RND3: variants seen among roughly 807,000 people sequenced by gnomAD.
RND3 encodes the protein Rho family GTPase 3.
A neutral mutation model predicts 26.5 loss-of-function variants in RND3; 8 were observed. The ratio of observed to expected loss-of-function variants is 0.30; its 90% CI spans 0.18 to 0.54. The LOEUF (loss-of-function observed/expected upper bound fraction) is 0.54, where lower values mean the gene tolerates loss of function less well. RND3 is among the 20% of genes least tolerant of loss of function. The probability of loss-of-function intolerance (pLI) is 0.94; values close to 1 mark genes in which losing one functional copy is unlikely to be tolerated. For missense variants in RND3, 207 were observed against 302.8 expected (o/e 0.68, Z 2.35); for synonymous variants, 113 against 113.0 (o/e 1.00, Z 0.00).
intron 4 of RND3, among the ~76,000 whole-genome samples, chr2:150,473,265 T>A (rs2105216981): frequency 6.6e-6 from 1 of 152,232 alleles, no homozygotes; most frequent in Middle Eastern, 3.4e-3. Context: ...GCCTTAAACC[T>A]CACAGGAATG....
At chr2:150,473,967 G>A (rs867203222) in intron 4 of RND3, among the ~76,000 whole-genome samples, 4 of 152,226 alleles carry the variant, frequency 2.6e-5, no homozygotes, top group African/African-American at 9.6e-5. Context: ...TGAAGCCAGT[G>A]TGTGGAGGAG....
chr2:150,471,540 C>G (rs1040296287), intron 5 of RND3, 87 bp downstream of exon 5: 1 of 1,149,378 alleles, frequency 8.7e-7, no homozygotes, highest in Non-Finnish European at 1.2e-6. Context: ...AGAAAAGCAG[C>G]TACTTTTTAT....
In RND3 at chr2:150,469,792, G is replaced by A; in HGVS notation, c.*195C>T. The A allele has an allele frequency of 1.7e-6, 1 of 579,636 alleles. No homozygotes were observed. The highest frequency in any genetic ancestry group is 3.0e-6 in the Non-Finnish European group (1 of 332,812). 35.9% of individuals were successfully genotyped at this position (579,636 alleles called of 1,614,324 possible). A position where few individuals can be genotyped will look rare whatever the true frequency, so the allele number is the denominator to read the frequency against. On this transcript the variant is annotated 3_prime_UTR_variant, in exon 6 of 6. Transcript: ENST00000263895. ...AAGTCACACTTAAAAACTCTTCCAT[G>A]TATTCACTTCTCATCACTTGGTCTA...
intron 3 of RND3, among the ~76,000 whole-genome samples, chr2:150,480,661 A>AG (rs1240983512): frequency 2.6e-5 from 4 of 152,112 alleles, no homozygotes; most frequent in Non-Finnish European, 4.4e-5. Context: ...GCGGCTAAAA[A>AG]AAAAAAATCT....
chr2:150,483,867 T>C (rs1429624603), intron 3 of RND3, among the ~76,000 whole-genome samples: 3 of 152,224 alleles, frequency 2.0e-5, no homozygotes, highest in Non-Finnish European at 4.4e-5. Flanking sequence ...TTATGCCTCT[T>C]TTTTCCATTT....
At chr2:150,474,165 A>G (rs1686128435) in intron 4 of RND3, among the ~76,000 whole-genome samples, 1 of 152,106 alleles carries the variant, frequency 6.6e-6, no homozygotes, top group African/African-American at 2.4e-5. Context: ...TGGCCTCCCT[A>G]GTTCCTGTGA....
chr2:150,480,849 A>G (rs1285059994), intron 3 of RND3, among the ~76,000 whole-genome samples: 3 of 152,214 alleles, frequency 2.0e-5, no homozygotes, highest in Non-Finnish European at 4.4e-5. Flanking sequence ...GGTCTTTTAC[A>G]TAAGAGTTTC....
intron 4 of RND3, among the ~76,000 whole-genome samples, chr2:150,473,346 T>C (rs1686116313): frequency 6.6e-6 from 1 of 152,014 alleles, no homozygotes; most frequent in Non-Finnish European, 1.5e-5. Flanking sequence ...AAAAGCAAAA[T>C]AAAACAGGAG....
intron 3 of RND3, among the ~76,000 whole-genome samples, chr2:150,485,813 C>T (rs1686349543): frequency 6.6e-6 from 1 of 152,162 alleles, no homozygotes; most frequent in Non-Finnish European, 1.5e-5. Flanking sequence ...TCCCTACCAC[C>T]GCGCGCCAGG....
intron 3 of RND3, among the ~76,000 whole-genome samples, chr2:150,485,941 G>T (rs1262786522): frequency 6.6e-6 from 1 of 152,040 alleles, no homozygotes; most frequent in Non-Finnish European, 1.5e-5. Context: ...GAATAGTGTT[G>T]CCCGCGGCCT....
rs5835299 is a variant in RND3 at position 150,468,229 on chromosome 2, G to GA, written c.*1757dup. 0.98 allele frequency: 148,417 copies of GA among 151,454 alleles called. 72,734 individuals carry two copies. The highest frequency in any genetic ancestry group is 1 in the East Asian group (5,134 of 5,150). The allele number at this position is 151,454 out of a possible 1,614,324, so 9.4% of individuals were successfully genotyped here. ...AGACATGGTTACTTTTTTATTTGAA[G>GA]AAAAAAAAAGTATGTTTTAATAAAT... On this transcript the variant is annotated 3_prime_UTR_variant, in exon 6 of 6. Transcript: ENST00000263895.
chr2:150,469,998 T>C lies in RND3; in HGVS notation c.724A>G (p.Thr242Ala). ...AGATAATGAAAGATTCACATCACAG[T>C]GCAGCTCTTCGCTTTGTCCTTTCGT... ...DLRKDKAKSC[T>A]VM is the part of the protein sequence containing the mutation. The change falls in exon 6 of 6, where the codon ACT (threonine) becomes GCT (alanine). Residue 242 changes from threonine (T) to alanine (A), a missense_variant. Transcript: ENST00000263895. The C allele has an allele frequency of 6.2e-7, 1 of 1,613,950 alleles. No individual in the cohort carries two copies. The highest frequency in any genetic ancestry group is 8.5e-7 in the Non-Finnish European group (1 of 1,179,896).
chr2:150,487,481 A>ATATATATG, intron 1 of RND3, 26 bp from the exon 2 acceptor site: 1 of 350,952 alleles, frequency 2.8e-6, no homozygotes, highest in Non-Finnish European at 4.3e-6. Flanking sequence ...AAAAATATAT[A>ATATATATG]TATATATATA....
chr2:150,487,484 T>A (rs1238245543), intron 1 of RND3, 29 bp from the exon 2 acceptor site: 3 of 347,024 alleles, frequency 8.6e-6, no homozygotes, highest in African/African-American at 2.2e-5. Context: ...AATATATATA[T>A]ATATATATAT....
intron 3 of RND3, among the ~76,000 whole-genome samples, chr2:150,483,947 A>G (rs1686318054): frequency 6.6e-6 from 1 of 152,150 alleles, no homozygotes; most frequent in Non-Finnish European, 1.5e-5. Context: ...TCTTCATCAC[A>G]TTTTCAAACC....
intron 3 of RND3, among the ~76,000 whole-genome samples, chr2:150,476,578 A>G (rs915108581): frequency 6.6e-6 from 1 of 152,230 alleles, no homozygotes; most frequent in African/African-American, 2.4e-5. Context: ...AGAGCTGTTC[A>G]TGAGCTGCAG....
intron 3 of RND3, among the ~76,000 whole-genome samples, chr2:150,477,384 A>C (rs1191031469): frequency 1.3e-5 from 2 of 152,228 alleles, no homozygotes; most frequent in African/African-American, 2.4e-5. Context: ...AAATTAGGAA[A>C]AGCGATTGAA....
intron 4 of RND3, among the ~76,000 whole-genome samples, chr2:150,473,088 A>AG (rs1005127329): frequency 4.9e-5 from 7 of 142,188 alleles, no homozygotes; most frequent in African/African-American, 1.8e-4. Context: ...AGAATTATGT[A>AG]GGAACACCTA....
chr2:150,486,051 G>A lies in RND3; in HGVS notation c.238+643C>T, dbSNP rs1045927926. Among the ~76,000 whole-genome samples, 5 of 152,262 alleles carry A rather than the reference G, an allele frequency of 3.3e-5. No homozygotes were observed. The highest frequency in any genetic ancestry group is 2.0e-4 in the Admixed American group (3 of 15,312). ...ACTGGGATGGAGTGGGGGAAAAAGG[G>A]AAAAGCTCGGTACAGGTGGGCACCG... On this transcript the variant is annotated intron_variant, in intron 3 of 5. Transcript: ENST00000263895. This position sits in a 1 kb window ranked among gnomAD's most constrained non-coding sequence, Gnocchi z 4.5.
Sources: gnomAD v4.1 joint callset for allele counts (sites outside exome capture counted in the v4.1 genomes callset) on GRCh38, gnomAD v4.1.1 for gene constraint, Gnocchi (gnomAD v3.1) non-coding constraint, MANE v1.5 for transcripts, NCBI Gene and HGNC (gene_info 2026-07-23, HGNC 2026-07-21) for gene names.